The following PLB1 variants were observed in gnomAD, a reference collection of about 807,000 sequenced individuals.
PLB1 encodes the protein phospholipase B1.
A neutral mutation model predicts 227.4 loss-of-function variants in PLB1; 242 were observed. The ratio of observed to expected loss-of-function variants is 1.06; its 90% CI spans 0.96 to 1.18. PLB1 has a LOEUF of 1.18. PLB1 is among the 50% of genes most tolerant of loss of function. The pLI is 0.00. For missense variants in PLB1, 1,858 were observed against 1,816.3 expected (o/e 1.02, Z -0.42); for synonymous variants, 757 against 682.2 (o/e 1.11, Z -1.71).
intron 55 of PLB1, 33 bp downstream of exon 55, chr2:28,632,173 A>T (rs985885587): frequency 6.6e-7 from 1 of 1,517,020 alleles, no homozygotes; most frequent in African/African-American, 1.4e-5. Context: ...AGGCTCACGT[A>T]TGGGGGCCTT....
chr2:28,525,683 G>A (rs1352564383), intron 5 of PLB1, among the ~76,000 whole-genome samples: 2 of 152,162 alleles, frequency 1.3e-5, no homozygotes, highest in African/African-American at 4.8e-5. Flanking sequence ...CCAGATGAGA[G>A]CGGGTTGGAG....
At chr2:28,556,022 T>C (rs964088159) in intron 17 of PLB1, among the ~76,000 whole-genome samples, 4 of 151,968 alleles carry the variant, frequency 2.6e-5, no homozygotes, top group African/African-American at 7.2e-5. Flanking sequence ...CCATGCACCA[T>C]GTCCAGCTAA....
At chr2:28,599,127 A>G (rs938538381) in intron 35 of PLB1, among the ~76,000 whole-genome samples, 1 of 152,214 alleles carries the variant, frequency 6.6e-6, no homozygotes, top group African/African-American at 2.4e-5. Flanking sequence ...AAGATCAGAG[A>G]GGGCCAACCA....
Position 28,598,689 on chromosome 2 carries a change from C to T in PLB1, c.2403C>T (p.Tyr801=), listed in dbSNP as rs762188427. The change falls in exon 35 of 58, where the codon TAC becomes TAT. Residue 801 remains tyrosine, a synonymous_variant. Coordinates refer to ENST00000327757, the MANE Select transcript of PLB1 (RefSeq NM_153021.5). ...AGTTTAACAGAAACCTCACAGGCTACGCCGTGGGCACGGGTGATGCCAATG... is the reference window on the plus strand; with the variant it reads ...AGTTTAACAGAAACCTCACAGGCTATGCCGTGGGCACGGGTGATGCCAATG... ...LREFNRNLTG[Y]AVGTGDANDT... 22 of 1,614,072 alleles carry T rather than the reference C, an allele frequency of 1.4e-5. No individual in the cohort carries two copies. The highest frequency in any genetic ancestry group is 3.3e-5 in the South Asian group (3 of 91,092).
rs541100793 is a variant in PLB1, at chr2:28,514,004, G to A, written c.56-2804G>A. Among the ~76,000 whole-genome samples, 3 of 152,276 alleles carry A rather than the reference G, an allele frequency of 2.0e-5. No individual in the cohort carries two copies. The South Asian group carries it at 6.2e-4, about 32-fold the overall frequency. On this transcript the variant is annotated intron_variant, in intron 1 of 57. Transcript: ENST00000327757. ...ATTAATGTATTTCAACATATACTTT[G>A]TACAGGCACTGGGTTAGATCTTCTG...
rs199549454 is a variant in PLB1 at position 28,604,685 on chromosome 2, C to T, written c.2887C>T (p.Arg963Cys). Residue 963 changes from arginine (R) to cysteine (C), a missense_variant, in exon 41 of 58, where the codon CGC (arginine) becomes TGC (cysteine). Transcript: ENST00000327757. ...CATGCGCGAGCTGGTGGGGTCAGGC[C>T]GCTATGACACGCAGGAGGACTTCTC... ...SSMRELVGSGRYDTQEDFSVV... is the reference protein window; with the variant it reads ...SSMRELVGSGCYDTQEDFSVV... The T allele has an allele frequency of 3.2e-5, 51 of 1,614,106 alleles. No individual in the cohort carries two copies. The Middle Eastern group carries it at 5.0e-4, about 16-fold the overall frequency.
At chr2:28,515,661 G>T (rs1216612875) in intron 1 of PLB1, among the ~76,000 whole-genome samples, 1 of 152,178 alleles carries the variant, frequency 6.6e-6, no homozygotes, top group Non-Finnish European at 1.5e-5. Context: ...TGCAGAAGAA[G>T]GCTGTGGTGG....
rs142561749 is a variant in PLB1 at position 28,634,296 on chromosome 2, T to G, written c.4098+1257T>G. ...TTTAAATCAGTTTATATGGTATAAT[T>G]CCTGTTTCTTTTGTGGATTTTGTTT... is the stretch of plus-strand genomic sequence containing the variant. On this transcript the variant is annotated intron_variant, in intron 56 of 57. Coordinates refer to ENST00000327757, the MANE Select transcript of PLB1 (RefSeq NM_153021.5). 2.4e-3 allele frequency among the ~76,000 whole-genome samples: 365 copies of G among 152,350 alleles called. 12 individuals carry two copies. The East Asian group carries it at 0.063, about 26-fold the overall frequency.
intron 44 of PLB1, among the ~76,000 whole-genome samples, chr2:28,617,491 C>G (rs1191419817): frequency 6.6e-6 from 1 of 152,162 alleles, no homozygotes; most frequent in African/African-American, 2.4e-5. Flanking sequence ...TGTGGGTGCA[C>G]ATGTGGAGAC....
chr2:28,630,626 G>T lies in PLB1; in HGVS notation c.3859G>T (p.Glu1287Ter). Residue 1287 changes from glutamate to a stop codon, truncating the protein, a stop_gained, in exon 54 of 58, where the codon GAG becomes TAG. Transcript: ENST00000327757. LOFTEE classifies it high-confidence loss of function. Reference sequence around the variant, plus strand: ...CCTCAGACACTCGCAAAGCTCCCTGGAGAAGCAAGAACTGAAGAAAGTGAA... The same window carrying T: ...CCTCAGACACTCGCAAAGCTCCCTGTAGAAGCAAGAACTGAAGAAAGTGAA... ...TCLRHSQSSL[E>*]KQELKKVNWN... The T allele has an allele frequency of 6.2e-7, 1 of 1,613,600 alleles. No individual in the cohort carries two copies.
Position 28,603,953 on chromosome 2 carries a change from C to A in PLB1, c.2775-13C>A, listed in dbSNP as rs374944488. The A allele has an allele frequency of 1.0e-4, 165 of 1,613,518 alleles. No homozygotes were observed. Among genetic ancestry groups the A allele is most frequent in the Non-Finnish European group, 1.3e-4 (156 of 1,179,546 alleles). On this transcript the variant is annotated splice_polypyrimidine_tract_variant and intron_variant, in intron 39 of 57. Transcript: ENST00000327757. The stretch of plus-strand genomic sequence containing the variant: ...TGAGCTCTGGGGCCTCCTGCCTCCC[C>A]CTCTTTGTGCAGCGTTTTGTGTAAC...
chr2:28,516,310 G>A (rs948023829), intron 1 of PLB1, among the ~76,000 whole-genome samples: 9 of 152,084 alleles, frequency 5.9e-5, no homozygotes, highest in Admixed American at 3.3e-4. Flanking sequence ...AAGACCCCTC[G>A]ATACAGCCCC....
chr2:28,576,484 C>G (rs1056243694), intron 21 of PLB1, among the ~76,000 whole-genome samples: 11 of 152,206 alleles, frequency 7.2e-5, no homozygotes, highest in African/African-American at 2.7e-4. Context: ...AATCCCAGCA[C>G]TTTGGGAGGC....
chr2:28,500,053 T>A lies in PLB1; in HGVS notation c.55+3884T>A, dbSNP rs556565604. 8.5e-5 allele frequency among the ~76,000 whole-genome samples: 13 copies of A among 152,336 alleles called. No homozygotes were observed. In the South Asian group the frequency reaches 2.7e-3, roughly 32 times the overall value. ...ATTCATCTAATGCTTTTTCCGTATT[T>A]ATTGAGATGATTGTGTGACTTACTC... is the stretch of plus-strand genomic sequence containing the variant. On this transcript the variant is annotated intron_variant, in intron 1 of 57. Coordinates refer to ENST00000327757, the MANE Select transcript of PLB1 (RefSeq NM_153021.5).
rs1573625488 is a variant in PLB1, at chr2:28,640,957, A to G, written c.4129A>G (p.Asn1377Asp). Residue 1377 changes from asparagine (N) to aspartate (D), a missense_variant, in exon 57 of 58, where the codon AAC becomes GAC. Coordinates refer to ENST00000327757, the MANE Select transcript of PLB1 (RefSeq NM_153021.5). ...ACCAGTGGGCCGCAAGACTACCTCC[A>G]ACAACTTCACCCACAGCCGAGCCAA... is the stretch of plus-strand genomic sequence containing the variant. ...LEPVGRKTTS[N>D]NFTHSRAKLK... 6.2e-7 allele frequency: 1 copy of G among 1,613,886 alleles called. No homozygotes were observed. The highest frequency in any genetic ancestry group is 1.3e-5 in the African/African-American group (1 of 75,026).
chr2:28,518,317 T>A (rs1572703478), intron 2 of PLB1, 149 bp from the exon 3 acceptor site: 1 of 656,652 alleles, frequency 1.5e-6, no homozygotes, highest in Middle Eastern at 2.8e-4. Flanking sequence ...GGGTATGGGG[T>A]TAGGAGAAAA....
intron 25 of PLB1, chr2:28,585,497 G>A (rs559514864): frequency 9.8e-5 from 36 of 367,466 alleles, no homozygotes; most frequent in African/African-American, 6.6e-4. Flanking sequence ...GCCTGGTCTT[G>A]AACTCCTGAC....
intron 57 of PLB1, 52 bp from the exon 58 acceptor site, chr2:28,642,806 G>A: frequency 4.1e-6 from 6 of 1,473,740 alleles, no homozygotes; most frequent in Non-Finnish European, 5.6e-6. Flanking sequence ...TTGGCTTGGT[G>A]ATGGATGGTT....
At chr2:28,606,460 T>G (rs758557424) in intron 42 of PLB1, 36 bp from the exon 43 acceptor site, 1 of 1,590,426 alleles carries the variant, frequency 6.3e-7, no homozygotes. Flanking sequence ...GGAAACAAAC[T>G]ACTACACCCG....
Sources: gnomAD v4.1 joint callset for allele counts (sites outside exome capture counted in the v4.1 genomes callset) on GRCh38, gnomAD v4.1.1 for gene constraint, MANE v1.5 for transcripts, NCBI Gene and HGNC (gene_info 2026-07-23, HGNC 2026-07-21) for gene names.